Variants in OSBPL10 observed in about 807,000 individuals in gnomAD.
OSBPL10 encodes oxysterol-binding protein-related protein 10.
In OSBPL10, 49 loss-of-function variants were observed where a neutral mutation model predicts 81.7. The observed-to-expected ratio is 0.60, with a 90% CI of 0.48 to 0.76. OSBPL10 has a LOEUF of 0.76. Among genes scored for constraint, OSBPL10 ranks in the 30% least tolerant of loss-of-function variants. The probability of loss-of-function intolerance (pLI) is 0.00; values close to 1 mark genes in which losing one functional copy is unlikely to be tolerated. For missense variants in OSBPL10, 923 were observed against 987.8 expected (o/e 0.93, Z 0.88); for synonymous variants, 419 against 383.6 (o/e 1.09, Z -1.08).
chr3:31,667,556 C>G (rs1317524907), intron 10 of OSBPL10, among the ~76,000 whole-genome samples: 2 of 152,202 alleles, frequency 1.3e-5, no homozygotes, highest in East Asian at 3.8e-4. Flanking sequence ...AATAGTAAAG[C>G]TTTCATAAAA....
At chr3:31,917,900 G>A (rs1324216215) in intron 1 of OSBPL10, among the ~76,000 whole-genome samples, 1 of 150,992 alleles carries the variant, frequency 6.6e-6, no homozygotes, top group African/African-American at 2.4e-5. Flanking sequence ...AAACATCAAG[G>A]GACTCTGATT....
At chr3:31,734,760 A>G (rs1393144782) in intron 5 of OSBPL10, among the ~76,000 whole-genome samples, 3 of 152,184 alleles carry the variant, frequency 2.0e-5, no homozygotes, top group Admixed American at 6.5e-5. Context: ...TAAAAAATAG[A>G]TAAGTCTCAA....
At chr3:31,666,926 G>C (rs1700204931) in intron 10 of OSBPL10, among the ~76,000 whole-genome samples, 1 of 152,174 alleles carries the variant, frequency 6.6e-6, no homozygotes, top group African/African-American at 2.4e-5. Context: ...GGCTACTGTA[G>C]CTTGTTCCCT....
chr3:32,042,804 A>G (rs1293837077), intron 2 of OSBPL10, among the ~76,000 whole-genome samples: 1 of 152,156 alleles, frequency 6.6e-6, no homozygotes, highest in East Asian at 1.9e-4. Flanking sequence ...AAGGGCAAAA[A>G]GGAGAACAAA....
chr3:31,902,121 T>C (rs764409142), intron 1 of OSBPL10, among the ~76,000 whole-genome samples: 1 of 152,160 alleles, frequency 6.6e-6, no homozygotes, highest in Non-Finnish European at 1.5e-5. Flanking sequence ...TCAGTGCCTG[T>C]TTCCGGTCTG....
At chr3:31,746,973 A>G (rs1697546268) in intron 5 of OSBPL10, among the ~76,000 whole-genome samples, 1 of 152,112 alleles carries the variant, frequency 6.6e-6, no homozygotes, top group East Asian at 1.9e-4. Flanking sequence ...TTAAAGCATA[A>G]TAATAATAAA....
chr3:31,988,908 T>C (rs1478826873), intron 2 of OSBPL10: 1 of 777,574 alleles, frequency 1.3e-6, no homozygotes, highest in East Asian at 2.7e-5. Flanking sequence ...AACACCCAGC[T>C]GAAGTGCCTC....
chr3:31,679,435 T>C (rs1189350952), intron 8 of OSBPL10, among the ~76,000 whole-genome samples: 1 of 152,178 alleles, frequency 6.6e-6, no homozygotes, highest in Non-Finnish European at 1.5e-5. Flanking sequence ...GCATCAAGGA[T>C]GGTGCCAATC....
chr3:32,020,773 G>GT (rs1457004210), intron 2 of OSBPL10, among the ~76,000 whole-genome samples: 1 of 152,078 alleles, frequency 6.6e-6, no homozygotes, highest in African/African-American at 2.4e-5. Flanking sequence ...AGAGCCACCA[G>GT]TGAGTCTTAT....
At chr3:31,717,160 C>G (rs879869635) in intron 6 of OSBPL10, 4 of 152,198 alleles carry the variant, frequency 2.6e-5, no homozygotes, top group African/African-American at 9.7e-5. Flanking sequence ...CTCCAGGCCA[C>G]GCAGAAGGTA....
intron 1 of OSBPL10, among the ~76,000 whole-genome samples, chr3:31,955,258 C>T (rs1403132979): frequency 6.6e-6 from 1 of 152,218 alleles, no homozygotes; most frequent in Non-Finnish European, 1.5e-5. Context: ...GCTAGACACT[C>T]ATATGCCATC....
intron 6 of OSBPL10, among the ~76,000 whole-genome samples, chr3:31,722,637 T>C (rs1218105745): frequency 6.6e-6 from 1 of 151,988 alleles, no homozygotes; most frequent in Non-Finnish European, 1.5e-5. Flanking sequence ...TTCAAAGGAG[T>C]AGTTTTCTCC....
At chr3:31,999,609 C>T (rs1319537680) in intron 2 of OSBPL10, among the ~76,000 whole-genome samples, 1 of 152,018 alleles carries the variant, frequency 6.6e-6, no homozygotes, top group Admixed American at 6.6e-5. Context: ...GATCTGCCTG[C>T]CTTGGCCTCC....
chr3:31,965,500 T>C (rs1368910241), intron 1 of OSBPL10, among the ~76,000 whole-genome samples: 1 of 97,166 alleles, frequency 1.0e-5, no homozygotes, highest in Non-Finnish European at 1.9e-5. Flanking sequence ...TTATATAATA[T>C]ATAAAATAGA....
intron 4 of OSBPL10, among the ~76,000 whole-genome samples, chr3:31,792,742 T>A (rs1293779475): frequency 2.0e-4 from 8 of 40,772 alleles, no homozygotes; most frequent in African/African-American, 4.4e-4. Context: ...AGACACAGAG[T>A]GTGTGTGTGT....
chr3:31,741,547 G>A (rs554454016), intron 5 of OSBPL10, among the ~76,000 whole-genome samples: 98 of 152,352 alleles, frequency 6.4e-4, no homozygotes, highest in Non-Finnish European at 1.2e-3. Flanking sequence ...ACAGGCGTGA[G>A]CCACTGTGCC....
intron 3 of OSBPL10, among the ~76,000 whole-genome samples, chr3:31,873,017 GA>G (rs1229991532): frequency 6.6e-6 from 1 of 152,100 alleles, no homozygotes; most frequent in Non-Finnish European, 1.5e-5. Flanking sequence ...CTATAAATAG[GA>G]AACCAATCAG....
At chr3:31,726,866 C>T (rs1306595951) in intron 6 of OSBPL10, among the ~76,000 whole-genome samples, 1 of 146,902 alleles carries the variant, frequency 6.8e-6, no homozygotes, top group Non-Finnish European at 1.5e-5. Flanking sequence ...TTTGCTGAGA[C>T]TGGATCTCAC....
At chr3:31,946,358 T>G (rs1414811978) in intron 1 of OSBPL10, among the ~76,000 whole-genome samples, 1 of 150,212 alleles carries the variant, frequency 6.7e-6, no homozygotes, top group Non-Finnish European at 1.5e-5. Flanking sequence ...AGAAATCAAT[T>G]AAGAATTTAA....
Sources: gnomAD v4.1 joint callset for allele counts (sites outside exome capture counted in the v4.1 genomes callset) on GRCh38, gnomAD v4.1.1 for gene constraint, MANE v1.5 for transcripts, NCBI Gene and HGNC (gene_info 2026-07-23, HGNC 2026-07-21) for gene names.